The following CDKN2A variants were observed in gnomAD, a reference collection of about 807,000 sequenced individuals.
CDKN2A encodes the protein cyclin dependent kinase inhibitor 2A, also known as cyclin-dependent kinase inhibitor 2A.
A neutral mutation model predicts 11.1 loss-of-function variants in CDKN2A; 3 were observed. That is an observed-to-expected ratio of 0.27 (90% CI 0.12 to 0.70). CDKN2A has a LOEUF of 0.70. Among genes scored for constraint, CDKN2A ranks in the 30% least tolerant of loss-of-function variants. The probability of loss-of-function intolerance (pLI) is 0.77; values close to 1 mark genes in which losing one functional copy is unlikely to be tolerated. For missense variants in CDKN2A, 265 were observed against 233.6 expected, an observed-to-expected ratio of 1.13 and a Z score of -0.88; for synonymous variants, 122 against 108.1, an observed-to-expected ratio of 1.13 and a Z score of -0.80.
In CDKN2A at chr9:21,973,845, T is replaced by A. The variant is rs80021108; in HGVS notation, c.150+833A>T. On this transcript the variant is annotated intron_variant, in intron 1 of 2. Transcript: ENST00000304494. ...TTTATTTGCCCTACTCAGTTAAAAA[T>A]AAACACAATATGTAGTTGCTTCTGA... Among the ~76,000 whole-genome samples the A allele has an allele frequency of 5.3e-3, 802 of 152,090 alleles. 7 individuals carry two copies. Among genetic ancestry groups the A allele is most frequent in the African/African-American group, 0.017 (686 of 41,504 alleles).
At chr9:21,993,853 C>G in intron 2 of CDKN2A, 1 of 502,834 alleles carries the variant, frequency 2.0e-6, no homozygotes, top group Non-Finnish European at 3.6e-6. Flanking sequence ...GTGTCTTAGT[C>G]ATTCCCACCC....
intron 2 of CDKN2A, among the ~76,000 whole-genome samples, chr9:21,990,165 T>G (rs1820394088): frequency 6.6e-6 from 1 of 151,158 alleles, no homozygotes; most frequent in South Asian, 2.1e-4. Context: ...GGTGGGGTAG[T>G]GGGGGCGGAG....
chr9:21,968,621 TC>T lies in CDKN2A; in HGVS notation c.458-380del, dbSNP rs773508785. The T allele has an allele frequency of 3.7e-5, 56 of 1,513,062 alleles. No individual in the cohort carries two copies. Among genetic ancestry groups the T allele is most frequent in the Non-Finnish European group, 4.8e-5 (55 of 1,135,308 alleles). 93.7% of individuals were successfully genotyped at this position (1,513,062 alleles called of 1,614,324 possible). A position where few individuals can be genotyped will look rare whatever the true frequency, so the allele number is the denominator to read the frequency against. ...AAGATGTGGCCTTTCCCTTCCCGCA[TC>T]CCCAGGCATCTTTTGCACCTGGTGC... On this transcript the variant is annotated intron_variant, in intron 2 of 2. Transcript: ENST00000304494. The surrounding 1 kb of genome is among the most constrained non-coding windows in gnomAD (Gnocchi z 4.7).
chr9:21,968,423 C>T lies in CDKN2A; in HGVS notation c.458-181G>A. On this transcript the variant is annotated intron_variant, in intron 2 of 2. Transcript: ENST00000304494. This position sits in a 1 kb window ranked among gnomAD's most constrained non-coding sequence, Gnocchi z 4.7. Reference sequence around the variant, plus strand: ...CTCCCACACCTCCCTGGTCCAGCAGCTAGTCCACTGCCCGCCTGGCTGCTC... The same window carrying T: ...CTCCCACACCTCCCTGGTCCAGCAGTTAGTCCACTGCCCGCCTGGCTGCTC... The T allele has an allele frequency of 1.0e-6, 1 of 983,480 alleles. No individual in the cohort carries two copies. The highest frequency in any genetic ancestry group is 6.1e-5 in the Admixed American group (1 of 16,290). 60.9% of individuals were successfully genotyped at this position (983,480 alleles called of 1,614,324 possible).
chr9:21,976,028 C>T (rs1410277909), upstream of CDKN2A, among the ~76,000 whole-genome samples: 1 of 152,162 alleles, frequency 6.6e-6, no homozygotes, highest in Non-Finnish European at 1.5e-5. Flanking sequence ...TACCTGTTAG[C>T]TCTTGAATTA....
At position 21,994,240 on chromosome 9, in the gene CDKN2A, G is replaced by A. The variant is rs528789830; in HGVS notation, c.-175-187C>T. On this transcript the variant is annotated intron_variant, in intron 1 of 3. Transcript: ENST00000494262. ...CGCCCCTGGCGCTGCCCACTCCCCC[G>A]TGAGCCGCGGGATGTGAACCACGAA... is the stretch of plus-strand genomic sequence containing the variant. 6 of 1,605,122 alleles carry A rather than the reference G, an allele frequency of 3.7e-6. No homozygotes were observed. Among genetic ancestry groups the A allele is most frequent in the Non-Finnish European group, 5.1e-6 (6 of 1,179,042 alleles).
chr9:21,980,900 A>G (rs531668807), intron 2 of CDKN2A, among the ~76,000 whole-genome samples: 3,975 of 143,984 alleles, frequency 0.028, 186 homozygotes, highest in African/African-American at 0.079. Flanking sequence ...CGGAGCTTGC[A>G]GTGAGCCGAG....
intron 2 of CDKN2A, among the ~76,000 whole-genome samples, chr9:21,980,973 TATATATATATATACAC>T (rs1390644706): frequency 3.8e-5 from 2 of 52,702 alleles, no homozygotes; most frequent in African/African-American, 1.6e-4. Flanking sequence ...AAAAAAAATG[TATATATATATATACAC>T]GTATATATAT....
At chr9:21,969,204 A>G (rs1819570691) in intron 2 of CDKN2A, among the ~76,000 whole-genome samples, 2 of 152,152 alleles carry the variant, frequency 1.3e-5, no homozygotes, top group South Asian at 2.1e-4. Context: ...CCCAGATAAC[A>G]TGGTGAGACC....
intron 2 of CDKN2A, among the ~76,000 whole-genome samples, chr9:21,987,207 T>C (rs1820320139): frequency 6.6e-6 from 1 of 152,030 alleles, no homozygotes; most frequent in Non-Finnish European, 1.5e-5. Context: ...TAAAGACCCA[T>C]CATTTTGTCC....
chr9:21,981,296 G>A (rs1247276704), intron 2 of CDKN2A, among the ~76,000 whole-genome samples: 4 of 150,176 alleles, frequency 2.7e-5, no homozygotes, highest in African/African-American at 9.8e-5. Flanking sequence ...GAAGACTGGG[G>A]TGATGCATTC....
At chr9:21,971,308 A>G (rs1382968521) in intron 1 of CDKN2A, 100 bp from the exon 2 acceptor site, 7 of 1,532,818 alleles carry the variant, frequency 4.6e-6, no homozygotes, top group Non-Finnish European at 6.1e-6. Flanking sequence ...ACCCCCACAC[A>G]AGCCCCAGGT....
In CDKN2A at chr9:21,974,679, T is replaced by A. The variant is rs587778189; in HGVS notation, c.149A>T (p.Gln50Leu). 6.2e-7 allele frequency: 1 copy of A among 1,614,024 alleles called. No homozygotes were observed. Among genetic ancestry groups the A allele is most frequent in the Admixed American group, 1.7e-5 (1 of 60,026 alleles). ...APNSYGRRPI[Q>L]VMMMGSARVA... ...TCCCGCTGCAGACCCTCTACCCACC[T>A]GGATCGGCCTCCGACCGTAACTATT... The change falls in exon 1 of 3, where the codon CAG becomes CTG. Residue 50 changes from glutamine to leucine, a missense_variant and splice_region_variant. Gln to Leu is a moderately radical substitution (Grantham distance 113). Coordinates refer to ENST00000304494, the MANE Select transcript of CDKN2A (RefSeq NM_000077.5). The surrounding 1 kb of genome is among the most constrained non-coding windows in gnomAD (Gnocchi z 5.2).
chr9:21,991,692 T>C lies in CDKN2A; in HGVS notation c.-4+2190A>G, dbSNP rs1390698539. On this transcript the variant is annotated intron_variant, in intron 2 of 3. Transcript: ENST00000494262. This position sits in a 1 kb window ranked among gnomAD's most constrained non-coding sequence, Gnocchi z 5.2. The stretch of plus-strand genomic sequence containing the variant: ...CGTGGAATAATAGATCTGTAAACCA[T>C]CATAGACGGTAATAGGCTATGTTGT... The C allele has an allele frequency of 1.0e-6, 1 of 983,252 alleles. No individual in the cohort carries two copies. Among genetic ancestry groups the C allele is most frequent in the South Asian group, 4.7e-5 (1 of 21,258 alleles). The allele number at this position is 983,252 out of a possible 1,614,324, so 60.9% of individuals were successfully genotyped here. A position where few individuals can be genotyped will look rare whatever the true frequency, so the allele number is the denominator to read the frequency against.
At chr9:21,972,475 A>C (rs1819813270) in intron 1 of CDKN2A, among the ~76,000 whole-genome samples, 1 of 152,210 alleles carries the variant, frequency 6.6e-6, no homozygotes, top group South Asian at 2.1e-4. Flanking sequence ...CCATGAGCCA[A>C]GGAATTTGAT....
Position 21,991,111 on chromosome 9 carries a change from C to T in CDKN2A, c.-4+2771G>A, listed in dbSNP as rs1250668149. 1.3e-5 allele frequency among the ~76,000 whole-genome samples: 2 copies of T among 152,102 alleles called. No homozygotes were observed. Among genetic ancestry groups the T allele is most frequent in the Non-Finnish European group, 2.9e-5 (2 of 68,016 alleles). On this transcript the variant is annotated intron_variant, in intron 2 of 3. Transcript: ENST00000494262. The surrounding 1 kb of genome is among the most constrained non-coding windows in gnomAD (Gnocchi z 5.2). ...GTACCCATTGTTTATATAACTTAAA[C>T]TGCCAAAATAAAGCACCACAAAAAC...
At chr9:21,971,538 A>C in intron 1 of CDKN2A, 1 of 307,092 alleles carries the variant, frequency 3.3e-6, no homozygotes, top group Non-Finnish European at 5.4e-6. Context: ...AGATACAACT[A>C]CTGAAATTTC....
At chr9:21,980,238 G>T (rs553196272) in intron 2 of CDKN2A, among the ~76,000 whole-genome samples, 16 of 152,230 alleles carry the variant, frequency 1.1e-4, no homozygotes, top group African/African-American at 3.9e-4. Flanking sequence ...CTTGAGGTGA[G>T]ATAATACACA....
chr9:21,970,039 T>C (rs571606336), intron 2 of CDKN2A, among the ~76,000 whole-genome samples: 1 of 152,254 alleles, frequency 6.6e-6, no homozygotes, highest in South Asian at 2.1e-4. Flanking sequence ...ATATTCGTGT[T>C]AATTCCCGTG....
Sources: gnomAD v4.1 joint callset for allele counts (sites outside exome capture counted in the v4.1 genomes callset) on GRCh38, gnomAD v4.1.1 for gene constraint, Gnocchi (gnomAD v3.1) non-coding constraint, MANE v1.5 for transcripts, NCBI Gene and HGNC (gene_info 2026-07-23, HGNC 2026-07-21) for gene names.